HMCN1: variants seen among roughly 807,000 people sequenced by gnomAD.
HMCN1 encodes the protein hemicentin 1.
A neutral mutation model predicts 625.9 loss-of-function variants in HMCN1; 321 were observed. That is an observed-to-expected ratio of 0.51 (90% confidence interval 0.47 to 0.56). The LOEUF (loss-of-function observed/expected upper bound fraction) is 0.56. Ranked by LOEUF, HMCN1 falls within the 20% of genes least tolerant of loss-of-function variation. The pLI is 0.00. For synonymous variants in HMCN1, 2,425 were observed against 2,417.6 expected, an observed-to-expected ratio of 1.00 and a Z score of -0.09; for missense variants, 6,588 against 6,887.3, an observed-to-expected ratio of 0.96 and a Z score of 1.54.
chr1:186,157,744 A>T (rs1158742708), intron 97 of HMCN1, among the ~76,000 whole-genome samples: 1 of 152,108 alleles, frequency 6.6e-6, no homozygotes, highest in African/African-American at 2.4e-5. Context: ...TCCAATTTCA[A>T]CCATGTCCCT....
At chr1:186,077,241 T>C (rs1429892401) in intron 54 of HMCN1, among the ~76,000 whole-genome samples, 3 of 152,014 alleles carry the variant, frequency 2.0e-5, no homozygotes, top group Admixed American at 1.3e-4. Flanking sequence ...AAAATAAAAA[T>C]GAAAAGAGAC....
At chr1:185,951,920 A>C (rs1649199065) in intron 11 of HMCN1, among the ~76,000 whole-genome samples, 2 of 151,934 alleles carry the variant, frequency 1.3e-5, no homozygotes, top group African/African-American at 4.8e-5. Context: ...AGGTGAGGTT[A>C]ATTAAATCCT....
Position 186,174,409 on chromosome 1 carries a change from G to T in HMCN1, c.15815-105G>T, listed in dbSNP as rs1652431132. ...AAGCTGGTATGATCTCAACCACTTG[G>T]TGAGAAATGCAACCTTTGGCAATTC... On this transcript the variant is annotated intron_variant, in intron 102 of 106. Transcript: ENST00000271588. 4.5e-6 allele frequency: 6 copies of T among 1,342,142 alleles called. No individual in the cohort carries two copies. The East Asian group carries it at 1.4e-4, about 31-fold the overall frequency. 83.1% of individuals were successfully genotyped at this position (1,342,142 alleles called of 1,614,324 possible). A position where few individuals can be genotyped will look rare whatever the true frequency, so the allele number is the denominator to read the frequency against.
Position 186,119,856 on chromosome 1 carries a change from A to G in HMCN1, c.12068A>G (p.Lys4023Arg), listed in dbSNP as rs747682416. ...CCCAGTCCTTTCATTACTTGGCAAA[A>G]AGAAGGCATCAATGTTAACACTTCA... ...GTPSPFITWQ[K>R]EGINVNTSGR... The change falls in exon 79 of 107, where the codon AAA (lysine) becomes AGA (arginine). Residue 4023 changes from lysine (K) to arginine (R), a missense_variant. Transcript: ENST00000271588. 21 of 1,614,016 alleles carry G rather than the reference A, an allele frequency of 1.3e-5. No homozygotes were observed. The East Asian group carries it at 4.7e-4, about 36-fold the overall frequency.
rs763275429 is a variant in HMCN1 at position 185,925,099 on chromosome 1, G to A, written c.1338G>A (p.Pro446=). The A allele has an allele frequency of 1.1e-5, 18 of 1,613,772 alleles. No homozygotes were observed. The highest frequency in any genetic ancestry group is 8.0e-5 in the African/African-American group (6 of 74,950). Residue 446 remains proline, a synonymous_variant, in exon 9 of 107, where the codon CCG becomes CCA. Transcript: ENST00000271588. ...AAACCCCAGGATACTATCTGCAGCC[G>A]GGCCAAATTCCCTGCTCTGTTGACA... The part of the protein sequence containing the change: ...PEKTPGYYLQ[P]GQIPCSVDSL...
intron 101 of HMCN1, 64 bp downstream of exon 101, chr1:186,171,514 T>C: frequency 8.6e-7 from 1 of 1,167,424 alleles, no homozygotes; most frequent in Non-Finnish European, 1.3e-6. Flanking sequence ...ATGTCTGATC[T>C]AAATGCATAC....
chr1:185,787,210 C>T (rs900385316), intron 1 of HMCN1, among the ~76,000 whole-genome samples: 1 of 150,752 alleles, frequency 6.6e-6, no homozygotes, highest in African/African-American at 2.4e-5. Context: ...AACAATTGGC[C>T]TGAAAGGCAG....
chr1:185,953,886 G>A (rs1366616070), intron 11 of HMCN1, among the ~76,000 whole-genome samples: 1 of 151,034 alleles, frequency 6.6e-6, no homozygotes, highest in African/African-American at 2.4e-5. Flanking sequence ...GATAGGGGTG[G>A]GGCCGTTTTA....
chr1:186,163,786 C>A (rs1163655754), intron 97 of HMCN1, among the ~76,000 whole-genome samples: 2 of 152,148 alleles, frequency 1.3e-5, no homozygotes, highest in Non-Finnish European at 2.9e-5. Context: ...TCATACATGG[C>A]AATATTGTAA....
intron 4 of HMCN1, among the ~76,000 whole-genome samples, chr1:185,885,141 T>C (rs1302768171): frequency 6.6e-6 from 1 of 151,706 alleles, no homozygotes; most frequent in Non-Finnish European, 1.5e-5. Context: ...AGTTGGAGGA[T>C]TTCAGAGGAG....
At chr1:185,794,975 G>A (rs1412982079) in intron 1 of HMCN1, among the ~76,000 whole-genome samples, 2 of 152,090 alleles carry the variant, frequency 1.3e-5, no homozygotes. Flanking sequence ...TTCTGGAATG[G>A]TTTACTTTCC....
intron 1 of HMCN1, among the ~76,000 whole-genome samples, chr1:185,764,030 C>T (rs1655702246): frequency 6.6e-6 from 1 of 152,190 alleles, no homozygotes; most frequent in South Asian, 2.1e-4. Context: ...GATATAGGTC[C>T]TCATTCTTCA....
chr1:186,041,078 C>A lies in HMCN1; in HGVS notation c.6246C>A (p.Thr2082=), dbSNP rs148052452. The A allele has an allele frequency of 2.5e-6, 4 of 1,612,728 alleles. No individual in the cohort carries two copies. Among genetic ancestry groups the A allele is most frequent in the Non-Finnish European group, 3.4e-6 (4 of 1,179,128 alleles). The part of the protein sequence containing the change: ...SAQISDTGRY[T]CVAVNAAGEK... ...AAATCAGCGACACAGGAAGGTACAC[C>A]TGCGTGGCAGTGAATGCTGCTGGAG... The change falls in exon 40 of 107, where the codon ACC becomes ACA. Residue 2082 remains threonine, a synonymous_variant. Coordinates refer to ENST00000271588, the MANE Select transcript of HMCN1 (RefSeq NM_031935.3).
chr1:186,085,703 G>A (rs1010801925), intron 57 of HMCN1, among the ~76,000 whole-genome samples: 2 of 151,754 alleles, frequency 1.3e-5, no homozygotes. Flanking sequence ...CCATCAAATC[G>A]AGAGTACTGA....
chr1:185,918,352 G>A (rs1287220849), intron 6 of HMCN1, among the ~76,000 whole-genome samples: 1 of 152,182 alleles, frequency 6.6e-6, no homozygotes, highest in Non-Finnish European at 1.5e-5. Context: ...CATCATGGGA[G>A]AAAGATGAAA....
chr1:185,801,791 A>G (rs1365269497), intron 1 of HMCN1, among the ~76,000 whole-genome samples: 2 of 152,158 alleles, frequency 1.3e-5, no homozygotes, highest in Non-Finnish European at 2.9e-5. Context: ...AAAGGTGTGG[A>G]GGGAGTTAAG....
At chr1:185,940,688 G>T (rs1257224881) in intron 11 of HMCN1, among the ~76,000 whole-genome samples, 2 of 152,152 alleles carry the variant, frequency 1.3e-5, no homozygotes, top group Non-Finnish European at 2.9e-5. Flanking sequence ...GAGAAGGCTG[G>T]CTAATGTGAT....
rs368067319 is a variant in HMCN1, at chr1:185,782,879, T to C, written c.268+47832T>C. ...GTGGCGTTCTCTGTATTTCCTGAAT[T>C]TGAATGTTGGTCTGCTTTGCTAGGT... On this transcript the variant is annotated intron_variant, in intron 1 of 106. Transcript: ENST00000271588. Among the ~76,000 whole-genome samples the C allele has an allele frequency of 7.8e-3, 1,190 of 151,988 alleles. 9 individuals carry two copies. Among genetic ancestry groups the C allele is most frequent in the African/African-American group, 0.025 (1,030 of 41,280 alleles).
chr1:186,077,445 G>A (rs950410545), intron 54 of HMCN1, among the ~76,000 whole-genome samples: 1 of 152,044 alleles, frequency 6.6e-6, no homozygotes, highest in Non-Finnish European at 1.5e-5. Context: ...GATTATCCTT[G>A]TTATGAAATA....
Sources: allele counts gnomAD v4.1 joint callset (sites outside exome capture counted in the v4.1 genomes callset), GRCh38; gene constraint gnomAD v4.1.1; transcripts MANE v1.5; gene names NCBI Gene and HGNC (gene_info 2026-07-23, HGNC 2026-07-21).